Variants in PXN observed in about 807,000 individuals in gnomAD.
The protein encoded by PXN is testicular tissue protein Li 134.
In PXN, 61 loss-of-function variants were observed where a neutral mutation model predicts 103.6. The ratio of observed to expected loss-of-function variants is 0.59; its 90% confidence interval spans 0.48 to 0.73. The LOEUF (loss-of-function observed/expected upper bound fraction) is 0.73. PXN is among the 30% of genes least tolerant of loss of function. The pLI is 0.00. For missense variants in PXN, 1,274 were observed against 1,460.3 expected (o/e 0.87, Z 2.08); for synonymous variants, 562 against 607.8 (o/e 0.92, Z 1.11).
At chr12:120,240,035 C>T (rs546953143) in intron 1 of PXN, among the ~76,000 whole-genome samples, 1 of 151,562 alleles carries the variant, frequency 6.6e-6, no homozygotes, top group African/African-American at 2.4e-5. Flanking sequence ...CGCTGAACTA[C>T]GTGGTTTCAG....
Position 120,212,192 on chromosome 12 carries a change from C to T in PXN, c.*122G>A, listed in dbSNP as rs541907834. The T allele has an allele frequency of 5.4e-5, 75 of 1,384,776 alleles. No individual in the cohort carries two copies. Among genetic ancestry groups the T allele is most frequent in the South Asian group, 3.9e-4 (30 of 76,404 alleles). 85.8% of individuals were successfully genotyped at this position (1,384,776 alleles called of 1,614,324 possible). A position where few individuals can be genotyped will look rare whatever the true frequency, so the allele number is the denominator to read the frequency against. On this transcript the variant is annotated 3_prime_UTR_variant, in exon 15 of 15. Coordinates refer to ENST00000637617, the MANE Select transcript of PXN (RefSeq NM_001385981.1). This position sits in a 1 kb window ranked among gnomAD's most constrained non-coding sequence, Gnocchi z 7.2. ...CGGCCCTCTGTCCATCCCGCACCAG[C>T]GGAGGACAAGGGTTCCAGTTTCAGT... is the stretch of plus-strand genomic sequence containing the variant.
In PXN at chr12:120,221,616, A is replaced by C. The variant is rs1425590690; in HGVS notation, c.831+7T>G. The stretch of plus-strand genomic sequence containing the variant: ...AGGGCAGGGAAGATGGAGGGTTCAC[A>C]GGGCACCTTGAAATCCGACAGCGAA... On this transcript the variant is annotated splice_region_variant and intron_variant, in intron 6 of 14. Coordinates refer to ENST00000637617, the MANE Select transcript of PXN (RefSeq NM_001385981.1). This position sits in a 1 kb window ranked among gnomAD's most constrained non-coding sequence, Gnocchi z 6.6. The C allele has an allele frequency of 6.4e-7, 1 of 1,560,456 alleles. No homozygotes were observed. The highest frequency in any genetic ancestry group is 8.7e-7 in the Non-Finnish European group (1 of 1,152,578).
chr12:120,215,143 T>C lies in PXN; in HGVS notation c.2534A>G (p.Lys845Arg), dbSNP rs764464039. ...CTTCTTGCAGGCCCCGCAGACTCCT[T>C]TGGCGACTGTGGCGACCCCCAGCTT... The part of the protein sequence containing the change: ...LNKLGVATVA[K>R]GVCGACKKPI... The change falls in exon 11 of 15, where the codon AAA becomes AGA. Residue 845 changes from lysine (K) to arginine (R), a missense_variant. Lys to Arg is a conservative substitution (Grantham distance 26). Transcript: ENST00000637617. The surrounding 1 kb of genome is among the most constrained non-coding windows in gnomAD (Gnocchi z 4.9). The C allele has an allele frequency of 2.4e-5, 38 of 1,571,946 alleles. No homozygotes were observed. The highest frequency in any genetic ancestry group is 3.1e-5 in the Non-Finnish European group (36 of 1,156,568).
At position 120,219,665 on chromosome 12, in the gene PXN, G is replaced by T. The variant is rs1381141466; in HGVS notation, c.1258C>A (p.Pro420Thr). 1 of 1,585,552 alleles carries T rather than the reference G, an allele frequency of 6.3e-7. No individual in the cohort carries two copies. Among genetic ancestry groups the T allele is most frequent in the Non-Finnish European group, 8.5e-7 (1 of 1,174,166 alleles). Residue 420 changes from proline to threonine, a missense_variant, in exon 7 of 15, where the codon CCA becomes ACA. Transcript: ENST00000637617. This position sits in a 1 kb window ranked among gnomAD's most constrained non-coding sequence, Gnocchi z 6.5. The part of the protein sequence containing the change: ...ALQEPGEPQG[P>T]PASPSCPEEA... ...TCTGGGCACGAAGGGCTGGCTGGTG[G>T]CCCCTGGGGCTCCCCAGGCTCTTGG...
chr12:120,253,880 TATTA>T (rs1892592748), intron 1 of PXN, among the ~76,000 whole-genome samples: 1 of 152,148 alleles, frequency 6.6e-6, no homozygotes, highest in Non-Finnish European at 1.5e-5. Flanking sequence ...TTTATTTATT[TATTA>T]TTTTACTTAT....
intron 1 of PXN, among the ~76,000 whole-genome samples, chr12:120,250,491 TAGG>T (rs2136620778): frequency 6.6e-6 from 1 of 152,282 alleles, no homozygotes; most frequent in African/African-American, 2.4e-5. Context: ...CCTAGAGTGC[TAGG>T]AGAAGCCCAG....
intron 1 of PXN, among the ~76,000 whole-genome samples, chr12:120,250,688 C>T (rs1426354170): frequency 6.6e-6 from 1 of 152,216 alleles, no homozygotes; most frequent in Non-Finnish European, 1.5e-5. Flanking sequence ...CAACTTAACA[C>T]CACCAGCCCA....
Position 120,215,093 on chromosome 12 carries a change from C to G in PXN, c.2574+10G>C. The G allele has an allele frequency of 1.3e-6, 2 of 1,584,446 alleles. No individual in the cohort carries two copies. The highest frequency in any genetic ancestry group is 2.7e-5 in the African/African-American group (2 of 74,538). ...CACTGGCCACACCCCTGCCCACTCC[C>G]CCTCATCACCTGCCCGGCGATGGGC... On this transcript the variant is annotated intron_variant, in intron 11 of 14. Transcript: ENST00000637617. This position sits in a 1 kb window ranked among gnomAD's most constrained non-coding sequence, Gnocchi z 4.9.
chr12:120,233,065 C>T (rs1355496222), intron 1 of PXN, among the ~76,000 whole-genome samples: 2 of 152,208 alleles, frequency 1.3e-5, no homozygotes, highest in Non-Finnish European at 2.9e-5. Context: ...ATCACCACAG[C>T]CAACCACTTG....
Position 120,215,309 on chromosome 12 carries a change from G to C in PXN, c.2404-36C>G, listed in dbSNP as rs779647591. 1.9e-6 allele frequency: 3 copies of C among 1,559,404 alleles called. No homozygotes were observed. The highest frequency in any genetic ancestry group is 2.6e-6 in the Non-Finnish European group (3 of 1,155,978). The stretch of plus-strand genomic sequence containing the variant: ...GGAGGGGGCTGGTCAGGACTCCTGA[G>C]GCTCGGGGTACGGTGTCTGGCAGCA... On this transcript the variant is annotated intron_variant, in intron 10 of 14. Coordinates refer to ENST00000637617, the MANE Select transcript of PXN (RefSeq NM_001385981.1). The surrounding 1 kb of genome is among the most constrained non-coding windows in gnomAD (Gnocchi z 4.9).
chr12:120,250,743 C>T (rs1179117238), intron 1 of PXN, among the ~76,000 whole-genome samples: 2 of 152,178 alleles, frequency 1.3e-5, no homozygotes, highest in Non-Finnish European at 2.9e-5. Flanking sequence ...CAAACATTCT[C>T]CAACCCATGG....
rs755926449 is a variant in PXN, at chr12:120,217,913, T to A, written c.1717-797A>T. Among the ~76,000 whole-genome samples, 3 of 149,322 alleles carry A rather than the reference T, an allele frequency of 2.0e-5. No individual in the cohort carries two copies. The highest frequency in any genetic ancestry group is 4.9e-5 in the African/African-American group (2 of 40,938). On this transcript the variant is annotated intron_variant, in intron 7 of 14. Coordinates refer to ENST00000637617, the MANE Select transcript of PXN (RefSeq NM_001385981.1). This position sits in a 1 kb window ranked among gnomAD's most constrained non-coding sequence, Gnocchi z 4.1. ...GTGCTCAGCTAGCCAGGAACTTTTT[T>A]AACTAGTTTTTTTTTTCTTATTTAT...
chr12:120,238,157 T>A (rs568183778), intron 1 of PXN, among the ~76,000 whole-genome samples: 17 of 152,122 alleles, frequency 1.1e-4, no homozygotes, highest in Non-Finnish European at 1.8e-4. Flanking sequence ...AGAGAAGATA[T>A]TTTCCTGAAA....
intron 1 of PXN, among the ~76,000 whole-genome samples, chr12:120,259,382 ACT>A (rs1893517774): frequency 6.6e-6 from 1 of 152,122 alleles, no homozygotes; most frequent in Non-Finnish European, 1.5e-5. Context: ...ACAGGGCAAG[ACT>A]CTGCCTCAAA....
At position 120,265,378 on chromosome 12, in the gene PXN, A is replaced by C. The variant is rs928304168; in HGVS notation, c.13+239T>G. On this transcript the variant is annotated intron_variant, in intron 1 of 14. Coordinates refer to ENST00000637617, the MANE Select transcript of PXN (RefSeq NM_001385981.1). The surrounding 1 kb of genome is among the most constrained non-coding windows in gnomAD (Gnocchi z 5.7). ...TGGGTCCCCGAGGTCGGGGGTCCAGAGGTGAAGCCGTCCCAGACGGGGGGT... is the reference window on the plus strand; with the variant it reads ...TGGGTCCCCGAGGTCGGGGGTCCAGCGGTGAAGCCGTCCCAGACGGGGGGT... 3.7e-4 allele frequency among the ~76,000 whole-genome samples: 57 copies of C among 152,106 alleles called. No homozygotes were observed. Among genetic ancestry groups the C allele is most frequent in the Admixed American group, 3.3e-3 (51 of 15,294 alleles).
At chr12:120,232,301 C>G (rs532844231) in intron 1 of PXN, among the ~76,000 whole-genome samples, 1 of 152,328 alleles carries the variant, frequency 6.6e-6, no homozygotes, top group Admixed American at 6.5e-5. Flanking sequence ...AGATTACAGA[C>G]AGGAGCCACC....
Position 120,221,590 on chromosome 12 carries a change from C to T in PXN, c.831+33G>A, listed in dbSNP as rs772787966. On this transcript the variant is annotated intron_variant, in intron 6 of 14. Transcript: ENST00000637617. The surrounding 1 kb of genome is among the most constrained non-coding windows in gnomAD (Gnocchi z 6.6). ...GAGGAGAAGGATGAGGGAGGGGCGG[C>T]AGGGCAGGGAAGATGGAGGGTTCAC... 1 of 1,542,114 alleles carries T rather than the reference C, an allele frequency of 6.5e-7. No homozygotes were observed. Among genetic ancestry groups the T allele is most frequent in the South Asian group, 1.2e-5 (1 of 82,984 alleles).
chr12:120,255,843 C>T (rs1309498350), intron 1 of PXN, among the ~76,000 whole-genome samples: 5 of 151,334 alleles, frequency 3.3e-5, no homozygotes, highest in East Asian at 1.9e-4. Context: ...CTCAGGAGTT[C>T]GAGACCAGCC....
chr12:120,235,936 C>T (rs1156237916), intron 1 of PXN, among the ~76,000 whole-genome samples: 1 of 152,328 alleles, frequency 6.6e-6, no homozygotes, highest in East Asian at 1.9e-4. Context: ...CATTAAGAGA[C>T]ACACAGGCAG....
Sources: gnomAD v4.1 joint callset for allele counts (sites outside exome capture counted in the v4.1 genomes callset) on GRCh38, gnomAD v4.1.1 for gene constraint, Gnocchi (gnomAD v3.1) non-coding constraint, MANE v1.5 for transcripts, NCBI Gene and HGNC (gene_info 2026-07-23, HGNC 2026-07-21) for gene names.